The following EXOC6B variants were observed in gnomAD, a reference collection of about 807,000 sequenced individuals.
EXOC6B encodes the protein exocyst complex component 6B.
A neutral mutation model predicts 113.5 loss-of-function variants in EXOC6B; 54 were observed. The observed-to-expected ratio is 0.48, with a 90% confidence interval of 0.38 to 0.60. The LOEUF (loss-of-function observed/expected upper bound fraction) is 0.60. Ranked by LOEUF, EXOC6B falls within the 20% of genes least tolerant of loss-of-function variation. EXOC6B has a pLI of 0.00. For synonymous variants in EXOC6B, 357 were observed against 339.0 expected (o/e 1.05, Z -0.58); for missense variants, 797 against 977.5 (o/e 0.82, Z 2.46).
At chr2:72,497,040 C>G (rs564845949) in intron 13 of EXOC6B, among the ~76,000 whole-genome samples, 1 of 150,590 alleles carries the variant, frequency 6.6e-6, no homozygotes, top group African/African-American at 2.4e-5. Flanking sequence ...GTGGCATGAT[C>G]GTAGCTCACT....
At chr2:72,239,651 C>G (rs78327724) in intron 20 of EXOC6B, among the ~76,000 whole-genome samples, 5,091 of 152,202 alleles carry the variant, frequency 0.033, 266 homozygotes, top group African/African-American at 0.11. Context: ...ATTGTTTTGA[C>G]TGTTCTTTGT....
At chr2:72,355,115 G>A (rs971946284) in intron 19 of EXOC6B, among the ~76,000 whole-genome samples, 1 of 152,132 alleles carries the variant, frequency 6.6e-6, no homozygotes, top group South Asian at 2.1e-4. Context: ...TTGAGTTTTC[G>A]GTATAATTTC....
At chr2:72,706,183 G>C (rs1409412839) in intron 6 of EXOC6B, among the ~76,000 whole-genome samples, 1 of 152,106 alleles carries the variant, frequency 6.6e-6, no homozygotes, top group Non-Finnish European at 1.5e-5. Context: ...AAGACAGATA[G>C]ATACACATGA....
At chr2:72,493,154 C>T (rs913536467) in intron 15 of EXOC6B, among the ~76,000 whole-genome samples, 8 of 152,178 alleles carry the variant, frequency 5.3e-5, no homozygotes, top group East Asian at 1.9e-4. Flanking sequence ...TTGTCTTTCT[C>T]ACATGAATGG....
chr2:72,224,809 T>TGG (rs1681101351), intron 20 of EXOC6B, among the ~76,000 whole-genome samples: 1 of 148,604 alleles, frequency 6.7e-6, no homozygotes, highest in East Asian at 1.9e-4. Context: ...TGTGTGTGTG[T>TGG]GTGTGTGTGT....
intron 6 of EXOC6B, among the ~76,000 whole-genome samples, chr2:72,708,606 A>T (rs970437314): frequency 1.3e-5 from 2 of 152,234 alleles, no homozygotes; most frequent in African/African-American, 2.4e-5. Flanking sequence ...AGAGTAGTAT[A>T]AAGGAATTTT....
intron 6 of EXOC6B, among the ~76,000 whole-genome samples, chr2:72,699,104 C>T (rs999311254): frequency 7.9e-5 from 12 of 152,154 alleles, no homozygotes; most frequent in Admixed American, 2.0e-4. Flanking sequence ...GTTTACATCC[C>T]TAAAATGCTT....
intron 1 of EXOC6B, among the ~76,000 whole-genome samples, chr2:72,758,793 T>C (rs1682589930): frequency 6.6e-6 from 1 of 152,184 alleles, no homozygotes; most frequent in South Asian, 2.1e-4. Flanking sequence ...TCAACAGCTG[T>C]TGCAAAGTTC....
chr2:72,445,394 C>T (rs1222063199), intron 18 of EXOC6B, among the ~76,000 whole-genome samples: 2 of 152,180 alleles, frequency 1.3e-5, no homozygotes, highest in African/African-American at 4.8e-5. Flanking sequence ...TGCCCATTAA[C>T]CAGTTCCAAA....
chr2:72,209,223 CAA>C lies in EXOC6B; in HGVS notation c.2197-25038_2197-25037del, dbSNP rs1170760516. Reference sequence around the variant, plus strand: ...GGGCAACAACAGCAAAACTCAGTCTCAAAAAAAAAAAAAAAAAAAAAAAAGAA... The same window carrying C: ...GGGCAACAACAGCAAAACTCAGTCTCAAAAAAAAAAAAAAAAAAAAAAGAA... On this transcript the variant is annotated intron_variant, in intron 20 of 21. Transcript: ENST00000272427. 9.7e-3 allele frequency among the ~76,000 whole-genome samples: 551 copies of C among 57,086 alleles called. 4 individuals carry two copies. The highest frequency in any genetic ancestry group is 0.03 in the African/African-American group (499 of 16,732). 37.5% of individuals were successfully genotyped at this position (57,086 alleles called of 152,430 possible).
rs193217756 is a variant in EXOC6B at position 72,457,255 on chromosome 2, G to T, written c.1980+7905C>A. On this transcript the variant is annotated intron_variant, in intron 18 of 21. Coordinates refer to ENST00000272427, the MANE Select transcript of EXOC6B (RefSeq NM_015189.3). ...ACTAGCAGCATAATTTGGTTAGGTC[G>T]GAGATGGCAGCAATTCCTGGAAATA... is the stretch of plus-strand genomic sequence containing the variant. Among the ~76,000 whole-genome samples the T allele has an allele frequency of 3.4e-4, 52 of 152,034 alleles. 1 individual carries two copies. Among genetic ancestry groups the T allele is most frequent in the African/African-American group, 1.2e-3 (50 of 41,410 alleles).
At chr2:72,674,588 T>G (rs1030904784) in intron 6 of EXOC6B, among the ~76,000 whole-genome samples, 2 of 152,114 alleles carry the variant, frequency 1.3e-5, no homozygotes, top group African/African-American at 2.4e-5. Flanking sequence ...TCCAAGCACT[T>G]TGGGAGGCCG....
chr2:72,575,380 A>G, intron 7 of EXOC6B, 112 bp downstream of exon 7: 1 of 884,294 alleles, frequency 1.1e-6, no homozygotes, highest in Admixed American at 3.7e-5. Context: ...ATGGTATTTG[A>G]TATTCAGAAG....
chr2:72,688,228 T>C (rs1677224679), intron 6 of EXOC6B, among the ~76,000 whole-genome samples: 1 of 152,172 alleles, frequency 6.6e-6, no homozygotes, highest in South Asian at 2.1e-4. Flanking sequence ...TCTTGACTAC[T>C]GTCTTATTTT....
chr2:72,442,837 C>T (rs568579061), intron 18 of EXOC6B, among the ~76,000 whole-genome samples: 3 of 152,088 alleles, frequency 2.0e-5, no homozygotes, highest in Non-Finnish European at 4.4e-5. Flanking sequence ...AAATTCAATG[C>T]TATTCCCATT....
At chr2:72,544,522 T>C (rs956712992) in intron 8 of EXOC6B, among the ~76,000 whole-genome samples, 2 of 152,148 alleles carry the variant, frequency 1.3e-5, no homozygotes, top group African/African-American at 4.8e-5. Flanking sequence ...TCTTTCAGTG[T>C]ATTAGGACGT....
chr2:72,548,174 T>C (rs961668047), intron 8 of EXOC6B, among the ~76,000 whole-genome samples: 1 of 152,074 alleles, frequency 6.6e-6, no homozygotes, highest in Non-Finnish European at 1.5e-5. Context: ...CCTAGAAAAG[T>C]CTCACTGCCT....
At chr2:72,449,661 T>C (rs1340112526) in intron 18 of EXOC6B, among the ~76,000 whole-genome samples, 1 of 152,152 alleles carries the variant, frequency 6.6e-6, no homozygotes. Context: ...GATCTAAAAT[T>C]GTCTTCACTA....
chr2:72,314,145 T>C (rs1286204862), intron 20 of EXOC6B, among the ~76,000 whole-genome samples: 2 of 152,218 alleles, frequency 1.3e-5, no homozygotes, highest in African/African-American at 4.8e-5. Flanking sequence ...TTAACTATCT[T>C]TGTTATGATT....
Sources: gnomAD v4.1 joint callset for allele counts (sites outside exome capture counted in the v4.1 genomes callset) on GRCh38, gnomAD v4.1.1 for gene constraint, MANE v1.5 for transcripts, NCBI Gene and HGNC (gene_info 2026-07-23, HGNC 2026-07-21) for gene names.